Variants in BIRC6 observed in about 807,000 individuals in gnomAD.
BIRC6 encodes dual E2 ubiquitin-conjugating enzyme/E3 ubiquitin-protein ligase BIRC6.
BIRC6 carries 98 observed loss-of-function variants against 503.3 expected under a neutral mutation model. That is an observed-to-expected ratio of 0.19 (90% CI 0.17 to 0.23). The LOEUF (loss-of-function observed/expected upper bound fraction) is 0.23. Ranked by LOEUF, BIRC6 falls within the 10% of genes least tolerant of loss-of-function variation. The pLI is 1.00. For synonymous variants in BIRC6, 2,240 were observed against 2,078.7 expected, an observed-to-expected ratio of 1.08 and a Z score of -2.11; for missense variants, 5,360 against 5,806.0, an observed-to-expected ratio of 0.92 and a Z score of 2.50.
chr2:32,556,181 A>G (rs145831975), intron 65 of BIRC6, among the ~76,000 whole-genome samples: 96 of 152,320 alleles, frequency 6.3e-4, no homozygotes, highest in African/African-American at 2.2e-3. Context: ...ATTTTTGTCA[A>G]GGGCATCCAA....
intron 1 of BIRC6, among the ~76,000 whole-genome samples, chr2:32,375,279 T>A (rs1269713130): frequency 6.6e-6 from 1 of 152,150 alleles, no homozygotes; most frequent in Non-Finnish European, 1.5e-5. Context: ...CTAGATCTTT[T>A]AGTATAGTAT....
chr2:32,417,561 C>G (rs1236710576), intron 10 of BIRC6, among the ~76,000 whole-genome samples: 2 of 152,104 alleles, frequency 1.3e-5, no homozygotes. Flanking sequence ...GAATTTAGGA[C>G]TAGGAGATAG....
intron 1 of BIRC6, among the ~76,000 whole-genome samples, chr2:32,369,976 A>ATGTATGTATGTGTGTG (rs1558541686): frequency 5.0e-5 from 3 of 60,440 alleles, no homozygotes; most frequent in Middle Eastern, 7.8e-3. Context: ...ATATATATAT[A>ATGTATGTATGTGTGTG]TATATATATG....
rs2048325391 is a variant in BIRC6, at chr2:32,464,559, A to G, written c.4992A>G (p.Ala1664=). The part of the protein sequence containing the change: ...KLHQTTAAAA[A]AASAVGPVHN... ...ATCAGACAACAGCTGCAGCAGCTGC[A>G]GCAGCATCAGCAGTAGGTCCTGTTC... Residue 1664 remains alanine, a synonymous_variant, in exon 25 of 74, where the codon GCA becomes GCG. Coordinates refer to ENST00000421745, the MANE Select transcript of BIRC6 (RefSeq NM_016252.4). The G allele has an allele frequency of 6.2e-7, 1 of 1,604,910 alleles. No individual in the cohort carries two copies. The highest frequency in any genetic ancestry group is 1.7e-5 in the Admixed American group (1 of 57,928).
chr2:32,589,434 A>G (rs1304766206), intron 66 of BIRC6, among the ~76,000 whole-genome samples: 1 of 152,178 alleles, frequency 6.6e-6, no homozygotes, highest in Non-Finnish European at 1.5e-5. Flanking sequence ...ATTTTCTACC[A>G]GACTCTTTTA....
chr2:32,602,848 C>A, intron 70 of BIRC6, 158 bp from the exon 71 acceptor site: 1 of 508,356 alleles, frequency 2.0e-6, no homozygotes, highest in East Asian at 3.3e-5. Flanking sequence ...TCTGAAGATG[C>A]CAATTTGTTT....
Position 32,442,394 on chromosome 2 carries a change from T to C in BIRC6, c.4177T>C (p.Phe1393Leu). ...KFLSDIVRVC[F>L]FEAGRSIAHK... ...TCTGTCAGACATCGTACGTGTTTGC[T>C]TCTTTGAGGCAGGACGAAGTATAGC... is the stretch of plus-strand genomic sequence containing the variant. The change falls in exon 19 of 74, where the codon TTC (phenylalanine) becomes CTC (leucine). Residue 1393 changes from phenylalanine (F) to leucine (L), a missense_variant. By Grantham distance (22) the Phe-to-Leu change is conservative. Around this residue, in one of 16 missense-constraint regions of BIRC6, gnomAD observed 2,299 missense variants for 2,267.2 expected, o/e 1.01. Coordinates refer to ENST00000421745, the MANE Select transcript of BIRC6 (RefSeq NM_016252.4). 6.2e-7 allele frequency: 1 copy of C among 1,611,704 alleles called. No homozygotes were observed. The highest frequency in any genetic ancestry group is 8.5e-7 in the Non-Finnish European group (1 of 1,178,764).
intron 5 of BIRC6, among the ~76,000 whole-genome samples, chr2:32,393,704 A>G (rs1196730726): frequency 1.3e-5 from 2 of 152,098 alleles, no homozygotes; most frequent in Non-Finnish European, 2.9e-5. Flanking sequence ...TATTTTTTGT[A>G]GAGATGAGAT....
rs1294396644 is a variant in BIRC6, at chr2:32,436,105, G to C, written c.3552G>C (p.Gly1184=). 5 of 1,498,654 alleles carry C rather than the reference G, an allele frequency of 3.3e-6. No homozygotes were observed. The highest frequency in any genetic ancestry group is 3.6e-6 in the Non-Finnish European group (4 of 1,110,026). 92.8% of individuals were successfully genotyped at this position (1,498,654 alleles called of 1,614,324 possible). ...LEDHKEDILC[G]PVWLASGLDL... is the part of the protein sequence containing the mutation. The stretch of plus-strand genomic sequence containing the variant: ...ATCATAAAGAAGACATTCTATGTGG[G>C]CCAGTATGGCTTGCTAGTGGCCTTG... The change falls in exon 15 of 74, where the codon GGG becomes GGC. Residue 1184 remains glycine (G), a synonymous_variant. Transcript: ENST00000421745.
Position 32,482,448 on chromosome 2 carries a change from A to G in BIRC6, c.7562A>G (p.Tyr2521Cys). The G allele has an allele frequency of 1.2e-6, 2 of 1,613,818 alleles. No homozygotes were observed. The highest frequency in any genetic ancestry group is 1.7e-6 in the Non-Finnish European group (2 of 1,179,788). Residue 2521 changes from tyrosine to cysteine, a missense_variant, in exon 39 of 74, where the codon TAT (tyrosine) becomes TGT (cysteine). Physicochemically the swap from Tyr to Cys is radical, Grantham distance 194. Coordinates refer to ENST00000421745, the MANE Select transcript of BIRC6 (RefSeq NM_016252.4). The stretch of plus-strand genomic sequence containing the variant: ...TTTAAGCCAATAAGCAGTACATGGT[A>G]TGATTATTGGGGTGCTGATTATGGG... ...KVFKPISSTW[Y>C]DYWGADYGTY...
Position 32,607,469 on chromosome 2 carries a change from C to T in BIRC6, c.14085C>T (p.Val4695=). Reference sequence around the variant, plus strand: ...TTATTCTTTAGGTGTTGGTGTCTGTCCAGTCCCTTATATTAGTAGCTGAGC... The same window carrying T: ...TTATTCTTTAGGTGTTGGTGTCTGTTCAGTCCCTTATATTAGTAGCTGAGC... ...TSSFLQVLVS[V]QSLILVAEPY... is the part of the protein sequence containing the mutation. The change falls in exon 72 of 74, where the codon GTC becomes GTT. Residue 4695 remains valine (V), a synonymous_variant. Coordinates refer to ENST00000421745, the MANE Select transcript of BIRC6 (RefSeq NM_016252.4). 1 of 1,593,740 alleles carries T rather than the reference C, an allele frequency of 6.3e-7. No homozygotes were observed. The highest frequency in any genetic ancestry group is 2.2e-5 in the East Asian group (1 of 44,514).
intron 4 of BIRC6, among the ~76,000 whole-genome samples, chr2:32,390,465 C>T (rs1396427129): frequency 2.0e-5 from 3 of 152,120 alleles, no homozygotes; most frequent in African/African-American, 4.8e-5. Context: ...CCACTGCACC[C>T]GGCATGCCTG....
intron 23 of BIRC6, among the ~76,000 whole-genome samples, chr2:32,461,266 C>T (rs927726063): frequency 1.4e-5 from 2 of 148,118 alleles, no homozygotes; most frequent in Non-Finnish European, 3.0e-5. Flanking sequence ...CAACCTACAC[C>T]TCCTGAGTTC....
chr2:32,424,968 A>G (rs2147787851), intron 10 of BIRC6, among the ~76,000 whole-genome samples: 1 of 152,214 alleles, frequency 6.6e-6, no homozygotes, highest in East Asian at 1.9e-4. Context: ...GTGAAGTGGT[A>G]TCTGTTGTGG....
intron 15 of BIRC6, among the ~76,000 whole-genome samples, chr2:32,437,867 A>G (rs1003699819): frequency 6.6e-6 from 1 of 152,206 alleles, no homozygotes; most frequent in African/African-American, 2.4e-5. Context: ...GTGAACAAAA[A>G]CTAATCTCAA....
At chr2:32,420,302 T>G (rs1180436374) in intron 10 of BIRC6, among the ~76,000 whole-genome samples, 2 of 152,188 alleles carry the variant, frequency 1.3e-5, no homozygotes, top group Non-Finnish European at 2.9e-5. Context: ...TTTCCTTATA[T>G]ATTTGGTAGA....
At chr2:32,490,420 A>T (rs1411813121) in intron 43 of BIRC6, among the ~76,000 whole-genome samples, 2 of 152,152 alleles carry the variant, frequency 1.3e-5, no homozygotes, top group Non-Finnish European at 2.9e-5. Flanking sequence ...CTGTAGTCCC[A>T]GCTACTTGGG....
In BIRC6 at chr2:32,443,589, G is replaced by A; in HGVS notation, c.4336+1G>A. ...TTTTTACCTGCAGCAACAACTGGTG[G>A]TATGTAAAATTAATTTAATCACAAA... On this transcript the variant is annotated splice_donor_variant, in intron 20 of 73. Transcript: ENST00000421745. LOFTEE classifies it high-confidence loss of function. 1 of 1,586,988 alleles carries A rather than the reference G, an allele frequency of 6.3e-7. No individual in the cohort carries two copies. The highest frequency in any genetic ancestry group is 1.1e-5 in the South Asian group (1 of 87,380).
chr2:32,575,820 A>G (rs1018124158), intron 66 of BIRC6, among the ~76,000 whole-genome samples: 1 of 152,196 alleles, frequency 6.6e-6, no homozygotes, highest in Non-Finnish European at 1.5e-5. Context: ...ATAAATAAAC[A>G]TACAAAGAAA....
Sources: gnomAD v4.1 joint callset for allele counts (sites outside exome capture counted in the v4.1 genomes callset) on GRCh38, gnomAD v4.1.1 for gene constraint, gnomAD v4.1.1 regional missense constraint, MANE v1.5 for transcripts, NCBI Gene and HGNC (gene_info 2026-07-23, HGNC 2026-07-21) for gene names.